ZAN: variants seen among roughly 807,000 people sequenced by gnomAD.
ZAN encodes zonadhesin.
A neutral mutation model predicts 286.2 loss-of-function variants in ZAN; 260 were observed. That is an observed-to-expected ratio of 0.91 (90% confidence interval 0.82 to 1.01). The LOEUF is 1.01. Ranked by LOEUF, ZAN falls within the 50% of genes least tolerant of loss-of-function variation. ZAN has a pLI of 0.00. For missense variants in ZAN, 3,410 were observed against 3,639.2 expected (o/e 0.94, Z 1.62); for synonymous variants, 1,368 against 1,417.5 (o/e 0.97, Z 0.79).
Position 100,779,727 on chromosome 7 carries a change from T to C in ZAN, c.6599T>C (p.Leu2200Pro), listed in dbSNP as rs1399303058. 1.3e-6 allele frequency: 2 copies of C among 1,554,982 alleles called. No homozygotes were observed. Among genetic ancestry groups the C allele is most frequent in the Non-Finnish European group, 1.7e-6 (2 of 1,149,616 alleles). ...TCQSQGLKPP[L>P]WRNSSFCPLE... The stretch of plus-strand genomic sequence containing the variant: ...CAGAGCCAGGGGCTCAAGCCCCCAC[T>C]CTGGAGAAACAGCAGCTTCTGCCGT... The change falls in exon 35 of 48, where the codon CTC becomes CCC. Residue 2200 changes from leucine to proline, a missense_variant. Leu to Pro is a moderately conservative substitution (Grantham distance 98). Coordinates refer to ENST00000613979, the MANE Select transcript of ZAN (RefSeq NM_003386.3).
At position 100,768,604 on chromosome 7, in the gene ZAN, C is replaced by T; in HGVS notation, c.5042-6C>T. ...TCTTGCCTGTTTTAATGACTCCCTCCTCTAGGGAACTACAACAACAACAGC... is the reference window on the plus strand; with the variant it reads ...TCTTGCCTGTTTTAATGACTCCCTCTTCTAGGGAACTACAACAACAACAGC... On this transcript the variant is annotated splice_polypyrimidine_tract_variant and splice_region_variant and intron_variant, in intron 26 of 47. Coordinates refer to ENST00000613979, the MANE Select transcript of ZAN (RefSeq NM_003386.3). 1 of 1,599,860 alleles carries T rather than the reference C, an allele frequency of 6.3e-7. No homozygotes were observed. The highest frequency in any genetic ancestry group is 8.5e-7 in the Non-Finnish European group (1 of 1,172,906).
At chr7:100,792,565 G>C in intron 42 of ZAN, 86 bp downstream of exon 42, 1 of 1,585,650 alleles carries the variant, frequency 6.3e-7, no homozygotes, top group Non-Finnish European at 8.6e-7. Context: ...GCCCCTCCCT[G>C]TGCCGACCCT....
chr7:100,790,639 C>CT (rs1243108224), intron 39 of ZAN, among the ~76,000 whole-genome samples: 1 of 150,220 alleles, frequency 6.7e-6, no homozygotes, highest in Non-Finnish European at 1.5e-5. Context: ...TCCCAGCACT[C>CT]TGAGAGGCCG....
intron 7 of ZAN, 48 bp from the exon 8 acceptor site, chr7:100,746,490 C>A (rs765516882): frequency 6.2e-7 from 1 of 1,602,644 alleles, no homozygotes; most frequent in Non-Finnish European, 8.5e-7. Flanking sequence ...CTGCTGCCAT[C>A]TTCCCTCAAT....
chr7:100,788,515 G>A (rs1472324113), intron 38 of ZAN, among the ~76,000 whole-genome samples: 4 of 152,028 alleles, frequency 2.6e-5, no homozygotes, highest in Non-Finnish European at 5.9e-5. Context: ...TCTTGCCACT[G>A]CACTTTAGCC....
chr7:100,767,593 G>A (rs758241826), intron 25 of ZAN, among the ~76,000 whole-genome samples: 31 of 147,290 alleles, frequency 2.1e-4, no homozygotes, highest in Non-Finnish European at 3.7e-4. Flanking sequence ...CTCCCACCTC[G>A]GCCTCCTAAG....
chr7:100,761,947 G>GATAA (rs113604904), intron 19 of ZAN, among the ~76,000 whole-genome samples: 5,501 of 148,046 alleles, frequency 0.037, 116 homozygotes, highest in Non-Finnish European at 0.041. Flanking sequence ...TGAAAAAAAG[G>GATAA]ATAAATAAAT....
chr7:100,750,028 G>T (rs185520749), intron 11 of ZAN, among the ~76,000 whole-genome samples: 3 of 136,576 alleles, frequency 2.2e-5, no homozygotes, highest in Non-Finnish European at 4.6e-5. Flanking sequence ...TCCAGCCTGG[G>T]CAACAGAGCG....
In ZAN at chr7:100,755,365, C is replaced by G; in HGVS notation, c.3264C>G (p.Ile1088Met). The change falls in exon 15 of 48, where the codon ATC becomes ATG. Residue 1088 changes from isoleucine to methionine, a missense_variant. By Grantham distance (10) the Ile-to-Met change is conservative. Transcript: ENST00000613979. Reference sequence around the variant, plus strand: ...TTTTGTTTAGTGACAACCACTGCATCCAGGCCTCTTCCTGCAATTGCTTCT... The same window carrying G: ...TTTTGTTTAGTGACAACCACTGCATGCAGGCCTCTTCCTGCAATTGCTTCT... The part of the protein sequence containing the change: ...PGFLFSDNHC[I>M]QASSCNCFYN... The G allele has an allele frequency of 6.2e-7, 1 of 1,613,730 alleles. No individual in the cohort carries two copies.
Position 100,736,368 on chromosome 7 carries a change from T to C in ZAN, c.107-115T>C. ...ACAGGTGTGCGCCACCACACCCGGC[T>C]GATTTCATGGCAGCTTTCTCTAAGT... On this transcript the variant is annotated intron_variant, in intron 3 of 47. Coordinates refer to ENST00000613979, the MANE Select transcript of ZAN (RefSeq NM_003386.3). 1.6e-6 allele frequency: 2 copies of C among 1,219,440 alleles called. 1 individual carries two copies. The highest frequency in any genetic ancestry group is 2.4e-6 in the Non-Finnish European group (2 of 834,664). The allele number at this position is 1,219,440 out of a possible 1,614,324, so 75.5% of individuals were successfully genotyped here.
At position 100,767,246 on chromosome 7, in the gene ZAN, T is replaced by A; in HGVS notation, c.4849T>A (p.Cys1617Ser). The A allele has an allele frequency of 1.2e-6, 2 of 1,609,582 alleles. No homozygotes were observed. Among genetic ancestry groups the A allele is most frequent in the Non-Finnish European group, 1.7e-6 (2 of 1,179,560 alleles). ...CCTCAGCATCTCACTGCTCAGAGGC[T>A]GTAAGGTCATGGTGGGTGTCTTCCT... is the stretch of plus-strand genomic sequence containing the variant. ...FDLSISLLRG[C>S]KVMLNGHRVA... Residue 1617 changes from cysteine (C) to serine (S), a missense_variant, in exon 25 of 48, where the codon TGT becomes AGT. Cys to Ser is a moderately radical substitution (Grantham distance 112). Transcript: ENST00000613979.
Position 100,784,686 on chromosome 7 carries a change from G to A in ZAN, c.6686G>A (p.Trp2229Ter). 1 of 1,613,934 alleles carries A rather than the reference G, an allele frequency of 6.2e-7. No homozygotes were observed. The highest frequency in any genetic ancestry group is 8.5e-7 in the Non-Finnish European group (1 of 1,179,902). ...NCLPSCSPSC[W>*]DLDGRCEGAK... The stretch of plus-strand genomic sequence containing the variant: ...CTTCCCTCCTGCTCACCCTCCTGCT[G>A]GGACCTGGATGGCCGGTGTGAGGGC... The change falls in exon 36 of 48, where the codon TGG becomes TAG. Residue 2229 changes from tryptophan to a stop codon, truncating the protein, a stop_gained. Transcript: ENST00000613979. LOFTEE classifies it high-confidence loss of function.
In ZAN at chr7:100,775,562, GCCA is replaced by G. The variant is rs756178470; in HGVS notation, c.6017_6019del (p.His2006del). The G allele has an allele frequency of 1.2e-5, 20 of 1,613,476 alleles. No individual in the cohort carries two copies. Among genetic ancestry groups the G allele is most frequent in the Non-Finnish European group, 1.6e-5 (19 of 1,179,636 alleles). ...GATGCCCAGGTCACCCTGCAGAAGG[GCCA>G]CCGTGTGCTAGTGAGCTGGGTGTGG... is the stretch of plus-strand genomic sequence containing the variant. On this transcript the variant is annotated inframe_deletion, in exon 32 of 48. Transcript: ENST00000613979.
intron 30 of ZAN, 63 bp downstream of exon 30, chr7:100,773,556 G>A (rs1810538367): frequency 6.3e-7 from 1 of 1,583,600 alleles, no homozygotes; most frequent in Non-Finnish European, 8.6e-7. Context: ...GTCAGGGCAA[G>A]CTCAGGAGAG....
chr7:100,794,404 A>G (rs1250319708), intron 44 of ZAN, 146 bp downstream of exon 44: 5 of 1,360,080 alleles, frequency 3.7e-6, no homozygotes, highest in Admixed American at 2.6e-5. Flanking sequence ...GACAAAGGAC[A>G]AAGATCTCCC....
chr7:100,779,370 T>A, intron 34 of ZAN, 76 bp from the exon 35 acceptor site: 1 of 1,421,934 alleles, frequency 7.0e-7, no homozygotes, highest in East Asian at 2.5e-5. Context: ...AGAGCAAGAC[T>A]CCCCCTAAAG....
At chr7:100,745,245 C>G (rs1178839479) in intron 7 of ZAN, among the ~76,000 whole-genome samples, 1 of 151,660 alleles carries the variant, frequency 6.6e-6, no homozygotes, top group African/African-American at 2.4e-5. Flanking sequence ...CCTCTTCCTT[C>G]CCGGTTGTTT....
chr7:100,765,449 G>T lies in ZAN; in HGVS notation c.4365G>T (p.Arg1455=). 1 of 1,613,818 alleles carries T rather than the reference G, an allele frequency of 6.2e-7. No individual in the cohort carries two copies. Residue 1455 remains arginine, a synonymous_variant, in exon 23 of 48, where the codon CGG becomes CGT. Transcript: ENST00000613979. ...TCTCCGGCATGTTCTGCTCAGACCGGTGCGTGGAGGCCTGTGAATGCAATC... is the reference window on the plus strand; with the variant it reads ...TCTCCGGCATGTTCTGCTCAGACCGTTGCGTGGAGGCCTGTGAATGCAATC... ...SGFSGMFCSD[R]CVEACECNPG...
At chr7:100,769,648 C>T (rs1241810279) in intron 27 of ZAN, among the ~76,000 whole-genome samples, 2 of 151,386 alleles carry the variant, frequency 1.3e-5, no homozygotes, top group Non-Finnish European at 2.9e-5. Flanking sequence ...GGGCTCAAGC[C>T]ATCCTCCCAC....
Sources: gnomAD v4.1 joint callset for allele counts (sites outside exome capture counted in the v4.1 genomes callset) on GRCh38, gnomAD v4.1.1 for gene constraint, MANE v1.5 for transcripts, NCBI Gene and HGNC (gene_info 2026-07-23, HGNC 2026-07-21) for gene names.